The following TRHDE variants were observed in gnomAD, a reference collection of about 807,000 sequenced individuals.
The protein encoded by TRHDE is thyrotropin-releasing hormone-degrading ectoenzyme.
In TRHDE, 72 loss-of-function variants were observed where a neutral mutation model predicts 125.7. The ratio of observed to expected loss-of-function variants is 0.57; its 90% CI spans 0.47 to 0.70. TRHDE has a LOEUF of 0.70. TRHDE is among the 30% of genes least tolerant of loss of function. The pLI is 0.00. For synonymous variants in TRHDE, 509 were observed against 509.1 expected (o/e 1.00, Z 0.00); for missense variants, 1,110 against 1,327.1 (o/e 0.84, Z 2.54).
intron 2 of TRHDE, among the ~76,000 whole-genome samples, chr12:72,238,413 T>C (rs1413306598): frequency 6.9e-6 from 1 of 144,182 alleles, no homozygotes; most frequent in Non-Finnish European, 1.5e-5. Flanking sequence ...TAAATTATAC[T>C]TTAAGTTCTG....
chr12:72,573,649 T>C (rs1870850672), intron 10 of TRHDE, among the ~76,000 whole-genome samples: 1 of 152,010 alleles, frequency 6.6e-6, no homozygotes, highest in Non-Finnish European at 1.5e-5. Flanking sequence ...TCTTGTACTC[T>C]AGTACTCTTG....
intron 13 of TRHDE, among the ~76,000 whole-genome samples, chr12:72,619,706 C>G (rs2136077212): frequency 6.6e-6 from 1 of 152,206 alleles, no homozygotes; most frequent in Non-Finnish European, 1.5e-5. Context: ...GCTCATGAGC[C>G]TTTTGATTCT....
intron 2 of TRHDE, among the ~76,000 whole-genome samples, chr12:72,265,567 A>T (rs753863688): frequency 2.2e-4 from 34 of 151,638 alleles, no homozygotes; most frequent in Non-Finnish European, 2.1e-4. Flanking sequence ...AAAAAGAGCT[A>T]TTTTTCAGTT....
intron 5 of TRHDE, among the ~76,000 whole-genome samples, chr12:72,480,334 G>C (rs1406181064): frequency 7.3e-5 from 11 of 151,478 alleles, no homozygotes; most frequent in African/African-American, 7.3e-5. Flanking sequence ...GTTGTTTCCT[G>C]ACTTTTTAAT....
intron 2 of TRHDE, among the ~76,000 whole-genome samples, chr12:72,112,750 TGGA>T (rs1875349594): frequency 6.6e-6 from 1 of 152,198 alleles, no homozygotes; most frequent in Non-Finnish European, 1.5e-5. Flanking sequence ...CACTCCTAGA[TGGA>T]TTAAACTTCT....
chr12:72,447,647 G>A (rs556016457), intron 3 of TRHDE, among the ~76,000 whole-genome samples: 16 of 151,900 alleles, frequency 1.1e-4, no homozygotes, highest in African/African-American at 1.7e-4. Flanking sequence ...AGTCTATCTC[G>A]GGTATGAATA....
At position 72,272,883 on chromosome 12, in the gene TRHDE, C is replaced by T; in HGVS notation, c.240C>T (p.Ala80=). ...CCCGCACCACGGAGCGCCACATCGC[C>T]GTACACAAGCGGCTTGTGCTGGCCT... ...VRPRTTERHI[A]VHKRLVLAFA... The change falls in exon 1 of 19, where the codon GCC becomes GCT. Residue 80 remains alanine (A), a synonymous_variant. Transcript: ENST00000261180. The surrounding 1 kb of genome is among the most constrained non-coding windows in gnomAD (Gnocchi z 6.7). 1 of 1,579,926 alleles carries T rather than the reference C, an allele frequency of 6.3e-7. No homozygotes were observed.
intron 6 of TRHDE, among the ~76,000 whole-genome samples, chr12:72,529,189 C>T (rs1868416060): frequency 1.3e-5 from 2 of 152,070 alleles, no homozygotes; most frequent in South Asian, 4.2e-4. Context: ...TATGACTGAA[C>T]TAAATGAGAT....
chr12:72,280,113 G>T (rs1879641643), intron 1 of TRHDE, among the ~76,000 whole-genome samples: 1 of 152,128 alleles, frequency 6.6e-6, no homozygotes, highest in Non-Finnish European at 1.5e-5. Context: ...CCTATGCAGG[G>T]ACTGTGGAAC....
chr12:72,235,394 G>C (rs1050905331), intron 2 of TRHDE, among the ~76,000 whole-genome samples: 15 of 152,154 alleles, frequency 9.9e-5, no homozygotes, highest in Non-Finnish European at 1.6e-4. Flanking sequence ...TAAATAACTT[G>C]TACAAGGAAA....
chr12:72,471,593 A>G (rs952543424), intron 4 of TRHDE, among the ~76,000 whole-genome samples: 1 of 152,240 alleles, frequency 6.6e-6, no homozygotes, highest in African/African-American at 2.4e-5. Context: ...TCATTAACCA[A>G]TTAATTTCTA....
intron 3 of TRHDE, among the ~76,000 whole-genome samples, chr12:72,420,114 A>C (rs1592431444): frequency 6.6e-6 from 1 of 152,186 alleles, no homozygotes; most frequent in East Asian, 1.9e-4. Context: ...TGGCCTCTGC[A>C]TTCTGCTACA....
chr12:72,181,174 G>A (rs1458510871), intron 2 of TRHDE, among the ~76,000 whole-genome samples: 1 of 152,170 alleles, frequency 6.6e-6, no homozygotes, highest in Non-Finnish European at 1.5e-5. Flanking sequence ...ATTAAGAAGT[G>A]TCTGGTGTGC....
intron 2 of TRHDE, among the ~76,000 whole-genome samples, chr12:72,245,243 ATG>A (rs370752757): frequency 0.056 from 8,212 of 146,948 alleles, 344 homozygotes; most frequent in Admixed American, 0.1. Flanking sequence ...GTTTGTGTGT[ATG>A]TGTGTGTGTG....
At chr12:72,517,061 T>G (rs1454321542) in intron 6 of TRHDE, among the ~76,000 whole-genome samples, 15 of 151,928 alleles carry the variant, frequency 9.9e-5, no homozygotes, top group African/African-American at 2.4e-4. Context: ...TTTTATTGAG[T>G]ATTTTGGCAT....
At chr12:72,652,891 T>C (rs1874561478) in intron 16 of TRHDE, 125 bp from the exon 17 acceptor site, 1 of 578,122 alleles carries the variant, frequency 1.7e-6, no homozygotes, top group South Asian at 4.0e-5. Flanking sequence ...AAGTTTGCAT[T>C]ATTAAAGATT....
rs1878059116 is a variant in TRHDE, at chr12:72,499,535, T to G, written c.1622T>G (p.Val541Gly). ...QRFLTDVLHE[V>G]MLLDGLASSH... ...TTTCTGACCGATGTTCTGCATGAAG[T>G]GATGCTGCTGGACGGTTTGGCCAGT... is the stretch of plus-strand genomic sequence containing the variant. The change falls in exon 6 of 19, where the codon GTG becomes GGG. Residue 541 changes from valine (V) to glycine (G), a missense_variant. This residue lies in a region of TRHDE where 527 missense variants were observed against 651.8 expected (regional missense o/e 0.81). Transcript: ENST00000261180. 6.2e-7 allele frequency: 1 copy of G among 1,613,720 alleles called. No individual in the cohort carries two copies. The highest frequency in any genetic ancestry group is 1.3e-5 in the African/African-American group (1 of 74,906).
At chr12:72,564,901 C>G (rs1375975555) in intron 9 of TRHDE, among the ~76,000 whole-genome samples, 2 of 151,738 alleles carry the variant, frequency 1.3e-5, no homozygotes, top group African/African-American at 4.8e-5. Context: ...CTCCTGACCT[C>G]GTGACCCACC....
chr12:72,271,514 C>T (rs1292147903), upstream of TRHDE, among the ~76,000 whole-genome samples: 2 of 152,078 alleles, frequency 1.3e-5, no homozygotes, highest in Non-Finnish European at 2.9e-5. Flanking sequence ...GCTCAGCAAC[C>T]CCCTCTGTGG....
Sources: allele counts gnomAD v4.1 joint callset (sites outside exome capture counted in the v4.1 genomes callset), GRCh38; gene constraint gnomAD v4.1.1; regional missense constraint gnomAD v4.1.1; non-coding constraint Gnocchi (gnomAD v3.1); transcripts MANE v1.5; gene names NCBI Gene and HGNC (gene_info 2026-07-23, HGNC 2026-07-21).